Variants in SAXO5 observed in about 807,000 individuals in gnomAD.
SAXO5 encodes stabilizer of axonemal microtubules 5, also known as testis expressed 45.
chr19:7,501,096 C>G, the SAXO5 span: 1 of 1,501,328 alleles, frequency 6.7e-7, no homozygotes, highest in African/African-American at 1.5e-5. Flanking sequence ...GCCATCCACG[C>G]CGCCGTGGGA....
the SAXO5 span, chr19:7,508,244 G>T: frequency 6.2e-7 from 1 of 1,614,046 alleles, no homozygotes; most frequent in Non-Finnish European, 8.5e-7. Flanking sequence ...TGGGTGGACT[G>T]CGCTTCTTCT....
the SAXO5 span, chr19:7,504,032 C>A: frequency 1.1e-6 from 1 of 935,864 alleles, no homozygotes; most frequent in Non-Finnish European, 1.7e-6. Flanking sequence ...CCTTCCCAGG[C>A]AAGAAATAGA....
chr19:7,499,966 G>GTGTATGTGTGTGTGTGTGTGT, the SAXO5 span: 1 of 96,600 alleles, frequency 1.0e-5, no homozygotes, highest in African/African-American at 3.3e-5. Flanking sequence ...GTGTGTGTGT[G>GTGTATGTGTGTGTGTGTGTGT]GAGACGGGGT....
chr19:7,507,106 C>G, the SAXO5 span: 1 of 1,614,064 alleles, frequency 6.2e-7, no homozygotes, highest in Admixed American at 1.7e-5. Flanking sequence ...ACACAGAACA[C>G]CTCCGGCCCC....
At chr19:7,505,277 C>A in the SAXO5 span, 1 of 1,578,674 alleles carries the variant, frequency 6.3e-7, no homozygotes, top group Non-Finnish European at 8.7e-7. Context: ...GCCACCATGC[C>A]CAGCCCACTT....
the SAXO5 span, chr19:7,508,243 T>C: frequency 6.2e-7 from 1 of 1,614,014 alleles, no homozygotes; most frequent in Non-Finnish European, 8.5e-7. Context: ...CTGGGTGGAC[T>C]GCGCTTCTTC....
chr19:7,506,726 G>C, the SAXO5 span: 7 of 335,066 alleles, frequency 2.1e-5, no homozygotes, highest in Middle Eastern at 9.8e-4. Flanking sequence ...TCCTTCCTTT[G>C]TCCCAGCTCC....
the SAXO5 span, among the ~76,000 whole-genome samples, chr19:7,498,158 C>T: frequency 9.2e-6 from 1 of 108,674 alleles, no homozygotes; most frequent in Non-Finnish European, 2.0e-5. Flanking sequence ...CATTAAAACA[C>T]ACACACACAC....
the SAXO5 span, among the ~76,000 whole-genome samples, chr19:7,498,393 C>CTTTTTTTTT: frequency 8.7e-5 from 10 of 115,350 alleles, no homozygotes; most frequent in South Asian, 2.8e-4. Flanking sequence ...GTATTTTTTT[C>CTTTTTTTTT]TTTTTTTTTT....
chr19:7,505,329 A>G, the SAXO5 span: 1 of 1,614,130 alleles, frequency 6.2e-7, no homozygotes, highest in Non-Finnish European at 8.5e-7. Context: ...TACAGGTATG[A>G]CAAGGCCCAG....
the SAXO5 span, chr19:7,501,501 A>C: frequency 7.8e-7 from 1 of 1,290,230 alleles, no homozygotes; most frequent in Non-Finnish European, 1.0e-6. Flanking sequence ...ACATTTGGCA[A>C]TGTCTGGAAA....
chr19:7,508,155 A>T, the SAXO5 span: 5 of 1,511,434 alleles, frequency 3.3e-6, no homozygotes, highest in South Asian at 5.8e-5. Context: ...GACAGGGTGG[A>T]TCGGCCACCT....
the SAXO5 span, chr19:7,505,413 A>G: frequency 6.8e-6 from 11 of 1,614,062 alleles, no homozygotes; most frequent in Non-Finnish European, 7.6e-6. Flanking sequence ...ACCAAGGCCG[A>G]GCACTTCTAT....
At chr19:7,500,945 C>A in the SAXO5 span, 1 of 1,578,040 alleles carries the variant, frequency 6.3e-7, no homozygotes, top group East Asian at 2.4e-5. Context: ...CCATGCGCAC[C>A]ACGTCGCACC....
At chr19:7,505,275 G>C in the SAXO5 span, 1 of 1,571,450 alleles carries the variant, frequency 6.4e-7, no homozygotes, top group Admixed American at 1.7e-5. Context: ...GGGCCACCAT[G>C]CCCAGCCCAC....
At chr19:7,507,380 C>T in the SAXO5 span, among the ~76,000 whole-genome samples, 26 of 152,118 alleles carry the variant, frequency 1.7e-4, no homozygotes, top group Middle Eastern at 3.4e-3. Context: ...GTCAGGAGTT[C>T]GAGACCAGCC....
chr19:7,499,339 G>C, the SAXO5 span, among the ~76,000 whole-genome samples: 2 of 135,458 alleles, frequency 1.5e-5, no homozygotes, highest in Admixed American at 7.9e-5. Context: ...AAGAAAGAGA[G>C]AGAAGGTAGG....
chr19:7,502,944 C>G, the SAXO5 span, among the ~76,000 whole-genome samples: 1 of 152,150 alleles, frequency 6.6e-6, no homozygotes, highest in Non-Finnish European at 1.5e-5. Context: ...CTAAGATGGG[C>G]TCAGGGATTG....
At chr19:7,499,479 G>C in the SAXO5 span, among the ~76,000 whole-genome samples, 1 of 152,098 alleles carries the variant, frequency 6.6e-6, no homozygotes, top group Non-Finnish European at 1.5e-5. Flanking sequence ...AACAAAAATG[G>C]GTCCCCCAGA....
Sources: allele counts gnomAD v4.1 joint callset (sites outside exome capture counted in the v4.1 genomes callset), GRCh38; gene constraint gnomAD v4.1.1; transcripts MANE v1.5; gene names NCBI Gene and HGNC (gene_info 2026-07-23, HGNC 2026-07-21).